Variants in ACER2 observed in about 807,000 individuals in gnomAD.
ACER2 encodes alkCDase 2.
A neutral mutation model predicts 34.7 loss-of-function variants in ACER2; 26 were observed. That is an observed-to-expected ratio of 0.75 (90% CI 0.55 to 1.04). The LOEUF (loss-of-function observed/expected upper bound fraction) is 1.04. Ranked by LOEUF, ACER2 falls within the 50% of genes least tolerant of loss-of-function variation. ACER2 has a pLI of 0.00. For missense variants in ACER2, 352 were observed against 340.8 expected, an observed-to-expected ratio of 1.03 and a Z score of -0.26; for synonymous variants, 138 against 132.1, an observed-to-expected ratio of 1.04 and a Z score of -0.31.
At chr9:19,443,216 T>C (rs1179214088) in intron 4 of ACER2, among the ~76,000 whole-genome samples, 1 of 152,144 alleles carries the variant, frequency 6.6e-6, no homozygotes, top group Non-Finnish European at 1.5e-5. Flanking sequence ...GTATTTTTAG[T>C]AGAGACAGGG....
intron 4 of ACER2, among the ~76,000 whole-genome samples, chr9:19,444,616 G>T (rs73420020): frequency 0.14 from 21,196 of 152,170 alleles, 4,275 homozygotes; most frequent in African/African-American, 0.45. Flanking sequence ...GGACGAGCTT[G>T]CACTGAGGGG....
At chr9:19,414,543 GAGGCTGAGGCTGGCAGATCACTTGAGCCC>G (rs1389344670) in intron 1 of ACER2, among the ~76,000 whole-genome samples, 6 of 152,280 alleles carry the variant, frequency 3.9e-5, no homozygotes, top group South Asian at 4.1e-4. Flanking sequence ...AGTACTTTAG[GAGGCTGAGGCTGGCAGATCACTTGAGCCC>G]AGGCTGAGGC....
intron 1 of ACER2, among the ~76,000 whole-genome samples, chr9:19,410,803 A>G (rs1830065938): frequency 6.6e-6 from 1 of 152,206 alleles, no homozygotes. Flanking sequence ...GTCAGGGGTA[A>G]ATAGTTGCAC....
intron 4 of ACER2, among the ~76,000 whole-genome samples, chr9:19,442,145 A>C (rs1342517432): frequency 6.6e-6 from 1 of 152,198 alleles, no homozygotes; most frequent in African/African-American, 2.4e-5. Flanking sequence ...TGGTGGTGTT[A>C]AGTACATTGC....
chr9:19,448,408 AT>A (rs1831446366), intron 5 of ACER2, among the ~76,000 whole-genome samples: 1 of 152,092 alleles, frequency 6.6e-6, no homozygotes, highest in Non-Finnish European at 1.5e-5. Context: ...TATAATCTTC[AT>A]TTTTGTGTCT....
chr9:19,443,100 G>A (rs1017785660), intron 4 of ACER2, among the ~76,000 whole-genome samples: 5 of 152,078 alleles, frequency 3.3e-5, no homozygotes, highest in South Asian at 2.1e-4. Context: ...GCGCGATCTC[G>A]GCTCACTGCA....
At chr9:19,436,668 T>C (rs1589057892) in intron 4 of ACER2, among the ~76,000 whole-genome samples, 1 of 152,340 alleles carries the variant, frequency 6.6e-6, no homozygotes, top group South Asian at 2.1e-4. Context: ...TCAATACAGA[T>C]CTAGGTCCTC....
chr9:19,443,383 G>T (rs1831223709), intron 4 of ACER2, among the ~76,000 whole-genome samples: 1 of 152,158 alleles, frequency 6.6e-6, no homozygotes, highest in East Asian at 1.9e-4. Context: ...AGCCAGGATG[G>T]TCTTGATCTC....
chr9:19,448,126 C>T (rs962622370), intron 5 of ACER2, among the ~76,000 whole-genome samples: 2 of 151,616 alleles, frequency 1.3e-5, no homozygotes, highest in African/African-American at 4.9e-5. Flanking sequence ...TCCCACCTCA[C>T]CCCCTGCAGG....
chr9:19,433,624 C>A (rs1390456004), intron 3 of ACER2, among the ~76,000 whole-genome samples: 7 of 152,274 alleles, frequency 4.6e-5, no homozygotes, highest in Admixed American at 3.3e-4. Context: ...TTCTATTCCA[C>A]AAAGCCACCA....
intron 3 of ACER2, among the ~76,000 whole-genome samples, chr9:19,432,355 T>C (rs1321489182): frequency 6.6e-6 from 1 of 152,200 alleles, no homozygotes; most frequent in Non-Finnish European, 1.5e-5. Flanking sequence ...GTGAATGGTC[T>C]CTGTTTTACT....
At chr9:19,440,168 T>G (rs987124394) in intron 4 of ACER2, among the ~76,000 whole-genome samples, 1 of 152,338 alleles carries the variant, frequency 6.6e-6, no homozygotes, top group South Asian at 2.1e-4. Flanking sequence ...CTCCTCACCA[T>G]GCTTGAAATG....
chr9:19,424,924 A>G (rs1205727305), intron 3 of ACER2, 83 bp downstream of exon 3: 1 of 1,535,766 alleles, frequency 6.5e-7, no homozygotes, highest in Non-Finnish European at 8.9e-7. Context: ...AAAATAGCAC[A>G]TGATTGAACT....
intron 4 of ACER2, among the ~76,000 whole-genome samples, chr9:19,441,048 C>CTTTTTTTTTTTT (rs539195950): frequency 4.3e-5 from 6 of 138,910 alleles, no homozygotes; most frequent in African/African-American, 1.3e-4. Flanking sequence ...TTTTCTTTTT[C>CTTTTTTTTTTTT]TTTTTTTTTT....
intron 3 of ACER2, among the ~76,000 whole-genome samples, chr9:19,432,943 AC>A (rs1207260316): frequency 6.6e-6 from 1 of 151,462 alleles, no homozygotes; most frequent in Non-Finnish European, 1.5e-5. Context: ...CTGCTGTAGA[AC>A]GTCTGAAAAA....
At chr9:19,413,602 GGA>G (rs1491586911) in intron 1 of ACER2, among the ~76,000 whole-genome samples, 2 of 115,338 alleles carry the variant, frequency 1.7e-5, no homozygotes, top group African/African-American at 9.8e-5. Context: ...TCCATCTTAA[GGA>G]AAAAAAAAAA....
chr9:19,433,149 C>CTTTTTTT (rs57915019), intron 3 of ACER2, among the ~76,000 whole-genome samples: 23 of 61,360 alleles, frequency 3.7e-4, no homozygotes, highest in African/African-American at 4.8e-4. Flanking sequence ...GTGTGAGTGG[C>CTTTTTTT]TTTTTTTTTT....
intron 3 of ACER2, among the ~76,000 whole-genome samples, chr9:19,431,966 T>G (rs1310754212): frequency 6.6e-6 from 1 of 152,184 alleles, no homozygotes; most frequent in Non-Finnish European, 1.5e-5. Flanking sequence ...AACAGAAACT[T>G]CAGGAAAATC....
At chr9:19,409,330 C>G (rs1028618246) in intron 1 of ACER2, 138 bp downstream of exon 1, 2 of 741,206 alleles carry the variant, frequency 2.7e-6, no homozygotes, top group African/African-American at 1.8e-5. Flanking sequence ...AGTCCACACC[C>G]CCTCCTCGGC....
Sources: allele counts gnomAD v4.1 joint callset (sites outside exome capture counted in the v4.1 genomes callset), GRCh38; gene constraint gnomAD v4.1.1; transcripts MANE v1.5; gene names NCBI Gene and HGNC (gene_info 2026-07-23, HGNC 2026-07-21).